Variants in DMRTB1 observed in about 807,000 individuals in gnomAD.
DMRTB1 encodes the protein DMRT like family B with proline rich C-terminal 1.
Under a neutral mutation model 25.2 loss-of-function variants are expected in DMRTB1, and 9 were observed. The observed-to-expected ratio is 0.36, with a 90% confidence interval of 0.22 to 0.62. The LOEUF (loss-of-function observed/expected upper bound fraction) is 0.62, where lower values mean the gene tolerates loss of function less well. Ranked by LOEUF, DMRTB1 falls within the 20% of genes least tolerant of loss-of-function variation. The pLI is 0.71. For synonymous variants in DMRTB1, 269 were observed against 238.1 expected (o/e 1.13, Z -1.20); for missense variants, 551 against 499.3 (o/e 1.10, Z -0.99).
intron 3 of DMRTB1, 24 bp downstream of exon 3, chr1:53,464,871 C>T (rs756088048): frequency 6.2e-7 from 1 of 1,613,306 alleles, no homozygotes; most frequent in African/African-American, 1.3e-5. Context: ...AGTCTTCCAG[C>T]TTCAGCGAGA....
At chr1:53,464,491 C>T in intron 2 of DMRTB1, 146 bp from the exon 3 acceptor site, 1 of 1,275,410 alleles carries the variant, frequency 7.8e-7, no homozygotes, top group Non-Finnish European at 1.1e-6. Flanking sequence ...CTGAATGCCC[C>T]CTTCCAAATG....
At chr1:53,464,170 C>CCAGTG (rs1311216585) in intron 2 of DMRTB1, among the ~76,000 whole-genome samples, 1 of 152,188 alleles carries the variant, frequency 6.6e-6, no homozygotes, top group East Asian at 1.9e-4. Flanking sequence ...AGACCCTTCC[C>CCAGTG]CAGTGCAGAG....
rs1158932140 is a variant in DMRTB1 at position 53,464,844 on chromosome 1, A to G, written c.958A>G (p.Thr320Ala). ...CCTGTTTGATACTGACAAGGAGAAC[A>G]CTGGTGAGTGAGCTCCAGTCTTCCA... ...TVLFDTDKENTDDQDAEVLSG... is the reference protein window; with the variant it reads ...TVLFDTDKENADDQDAEVLSG... Residue 320 changes from threonine (T) to alanine (A), a missense_variant, in exon 3 of 4, where the codon ACT becomes GCT. Coordinates refer to ENST00000371445, the MANE Select transcript of DMRTB1 (RefSeq NM_033067.3). 6.2e-7 allele frequency: 1 copy of G among 1,613,724 alleles called. No individual in the cohort carries two copies. The highest frequency in any genetic ancestry group is 8.5e-7 in the Non-Finnish European group (1 of 1,180,030).
chr1:53,464,997 C>T, intron 3 of DMRTB1, 150 bp downstream of exon 3: 1 of 1,074,704 alleles, frequency 9.3e-7, no homozygotes, highest in Non-Finnish European at 1.4e-6. Context: ...TTCTTACACC[C>T]TTCCTCCAGT....
At position 53,467,404 on chromosome 1, in the gene DMRTB1, T is replaced by C. The variant is rs1002384692; in HGVS notation, c.*742T>C. 4 of 152,326 alleles carry C rather than the reference T, an allele frequency of 2.6e-5. No homozygotes were observed. The highest frequency in any genetic ancestry group is 9.6e-5 in the African/African-American group (4 of 41,466). 9.4% of individuals were successfully genotyped at this position (152,326 alleles called of 1,614,324 possible). On this transcript the variant is annotated 3_prime_UTR_variant, in exon 4 of 4. Coordinates refer to ENST00000371445, the MANE Select transcript of DMRTB1 (RefSeq NM_033067.3). ...AAGCACTGATGCAGTCCCTAGGGAA[T>C]AGAATGGTGCTTCTGATCACCTGTG... is the stretch of plus-strand genomic sequence containing the variant.
rs1557923473 is a variant in DMRTB1, at chr1:53,464,684, G to GCCA, written c.800_801insACC (p.Pro270dup). 2 of 1,612,512 alleles carry GCCA rather than the reference G, an allele frequency of 1.2e-6. No homozygotes were observed. Among genetic ancestry groups the GCCA allele is most frequent in the Non-Finnish European group, 8.5e-7 (1 of 1,179,158 alleles). ...TCCAGCCAAGCTACTACCTGCCGCC[G>GCCA]CCGCCGCCGCCACTGCCGCCCCTTC... On this transcript the variant is annotated inframe_insertion, in exon 3 of 4. Coordinates refer to ENST00000371445, the MANE Select transcript of DMRTB1 (RefSeq NM_033067.3).
In DMRTB1 at chr1:53,467,147, C is replaced by T. The variant is rs924703348; in HGVS notation, c.*485C>T. ...CAGCAGCCAGGACCAGGGTCGTTGA[C>T]AGCAGGTTCTGCAGCATCCTGCCTT... On this transcript the variant is annotated 3_prime_UTR_variant, in exon 4 of 4. Transcript: ENST00000371445. 6 of 158,266 alleles carry T rather than the reference C, an allele frequency of 3.8e-5. No individual in the cohort carries two copies. Among genetic ancestry groups the T allele is most frequent in the Non-Finnish European group, 8.4e-5 (6 of 71,288 alleles). The allele number at this position is 158,266 out of a possible 1,614,324, so 9.8% of individuals were successfully genotyped here. A position where few individuals can be genotyped will look rare whatever the true frequency, so the allele number is the denominator to read the frequency against.
At chr1:53,462,996 G>A (rs895756034) in intron 2 of DMRTB1, among the ~76,000 whole-genome samples, 1 of 152,268 alleles carries the variant, frequency 6.6e-6, no homozygotes. Context: ...TGATTGACAG[G>A]CCTGCCAGAC....
At chr1:53,460,288 A>G (rs1644012028) in intron 1 of DMRTB1, 1 of 436,766 alleles carries the variant, frequency 2.3e-6, no homozygotes, top group South Asian at 3.9e-5. Flanking sequence ...CCGGCATGCA[A>G]GAACAAAATG....
chr1:53,460,222 A>G, intron 1 of DMRTB1, 192 bp downstream of exon 1: 2 of 770,842 alleles, frequency 2.6e-6, no homozygotes, highest in South Asian at 4.0e-5. Flanking sequence ...AACGAGAAAC[A>G]GAAAGGAATG....
In DMRTB1 at chr1:53,461,586, G is replaced by T; in HGVS notation, c.691G>T (p.Val231Phe). ...PLGYLDAPPG[V>F]PLQQGFRHVS... Reference sequence around the variant, plus strand: ...GGGCTACCTGGACGCCCCTCCTGGCGTCCCCCTGCAGCAGGGCTTCCGGCA... The same window carrying T: ...GGGCTACCTGGACGCCCCTCCTGGCTTCCCCCTGCAGCAGGGCTTCCGGCA... The change falls in exon 2 of 4, where the codon GTC becomes TTC. Residue 231 changes from valine to phenylalanine, a missense_variant. Coordinates refer to ENST00000371445, the MANE Select transcript of DMRTB1 (RefSeq NM_033067.3). 6.2e-7 allele frequency: 1 copy of T among 1,610,704 alleles called. No individual in the cohort carries two copies. Among genetic ancestry groups the T allele is most frequent in the Non-Finnish European group, 8.5e-7 (1 of 1,178,764 alleles).
chr1:53,463,138 T>C (rs1569651179), intron 2 of DMRTB1, among the ~76,000 whole-genome samples: 1 of 152,356 alleles, frequency 6.6e-6, no homozygotes, highest in South Asian at 2.1e-4. Flanking sequence ...ATAATCCCTC[T>C]TCCACCCTCT....
At chr1:53,461,277 T>C (rs1644020657) in intron 1 of DMRTB1, among the ~76,000 whole-genome samples, 196 bp from the exon 2 acceptor site, 2 of 152,274 alleles carry the variant, frequency 1.3e-5, no homozygotes, top group Non-Finnish European at 1.5e-5. Flanking sequence ...GCGGGCTTGA[T>C]GGCCGTGCTG....
Position 53,466,657 on chromosome 1 carries a change from G to C in DMRTB1, c.1024G>C (p.Asp342His), listed in dbSNP as rs201751493. The change falls in exon 4 of 4, where the codon GAC (aspartate) becomes CAC (histidine). Residue 342 changes from aspartate to histidine, a missense_variant. Physicochemically the swap from Asp to His is moderately conservative, Grantham distance 81. Coordinates refer to ENST00000371445, the MANE Select transcript of DMRTB1 (RefSeq NM_033067.3). ...CCAGCCATCGTCTCAGGAGCAGTCC[G>C]ACTAGGCCCCAGGCCCGCCCTCCTG... ...PSQPSSQEQS[D>H] 3.1e-6 allele frequency: 5 copies of C among 1,614,204 alleles called. No individual in the cohort carries two copies. Among genetic ancestry groups the C allele is most frequent in the East Asian group, 2.2e-5 (1 of 44,884 alleles).
intron 1 of DMRTB1, chr1:53,460,289 G>C (rs1644012038): frequency 2.3e-6 from 1 of 427,550 alleles, no homozygotes; most frequent in Non-Finnish European, 4.0e-6. Context: ...CGGCATGCAA[G>C]AACAAAATGG....
intron 1 of DMRTB1, 81 bp downstream of exon 1, chr1:53,460,111 T>G (rs1569646137): frequency 7.0e-7 from 1 of 1,433,654 alleles, no homozygotes; most frequent in South Asian, 1.4e-5. Flanking sequence ...GGCATAGGGG[T>G]TCGGGGTGGA....
rs752444740 is a variant in DMRTB1, at chr1:53,464,694, C to T, written c.808C>T (p.Pro270Ser). Residue 270 changes from proline to serine, a missense_variant, in exon 3 of 4, where the codon CCA becomes TCA. Pro to Ser is a moderately conservative substitution (Grantham distance 74). Transcript: ENST00000371445. ...CTACTACCTGCCGCCGCCGCCGCCG[C>T]CACTGCCGCCCCTTCCACCGCTTCC... ...PSYYLPPPPP[P>S]LPPLPPLPPQ... 20 of 1,613,660 alleles carry T rather than the reference C, an allele frequency of 1.2e-5. No individual in the cohort carries two copies. The highest frequency in any genetic ancestry group is 1.7e-5 in the Non-Finnish European group (20 of 1,179,814).
At position 53,461,571 on chromosome 1, in the gene DMRTB1, G is replaced by C; in HGVS notation, c.676G>C (p.Asp226His). 3.1e-6 allele frequency: 5 copies of C among 1,611,764 alleles called. No individual in the cohort carries two copies. Among genetic ancestry groups the C allele is most frequent in the Non-Finnish European group, 4.2e-6 (5 of 1,179,086 alleles). ...PYCPFPLGYL[D>H]APPGVPLQQG... is the part of the protein sequence containing the mutation. ...CTGCCCGTTCCCGCTGGGCTACCTG[G>C]ACGCCCCTCCTGGCGTCCCCCTGCA... Residue 226 changes from aspartate (D) to histidine (H), a missense_variant, in exon 2 of 4, where the codon GAC becomes CAC. Physicochemically the swap from Asp to His is moderately conservative, Grantham distance 81. Coordinates refer to ENST00000371445, the MANE Select transcript of DMRTB1 (RefSeq NM_033067.3).
At chr1:53,461,736 C>A in intron 2 of DMRTB1, 91 bp downstream of exon 2, 1 of 1,432,274 alleles carries the variant, frequency 7.0e-7, no homozygotes, top group South Asian at 1.5e-5. Context: ...AGCCAGCTGT[C>A]ATAAACTGTG....
Sources: allele counts gnomAD v4.1 joint callset (sites outside exome capture counted in the v4.1 genomes callset), GRCh38; gene constraint gnomAD v4.1.1; transcripts MANE v1.5; gene names NCBI Gene and HGNC (gene_info 2026-07-23, HGNC 2026-07-21).